BCKDHB: variants seen among roughly 807,000 people sequenced by gnomAD.
BCKDHB encodes branched chain keto acid dehydrogenase E1 subunit beta.
Under a neutral mutation model 48.5 loss-of-function variants are expected in BCKDHB, and 41 were observed. The ratio of observed to expected loss-of-function variants is 0.85; its 90% confidence interval spans 0.66 to 1.10. The LOEUF (loss-of-function observed/expected upper bound fraction) is 1.10. BCKDHB is among the 50% of genes least tolerant of loss of function. The pLI is 0.00. For synonymous variants in BCKDHB, 201 were observed against 174.8 expected (o/e 1.15, Z -1.18); for missense variants, 496 against 494.2 (o/e 1.00, Z -0.03).
the BCKDHB span, among the ~76,000 whole-genome samples, chr6:80,450,380 A>G: frequency 6.6e-6 from 1 of 152,118 alleles, no homozygotes; most frequent in African/African-American, 2.4e-5. Flanking sequence ...AACAGAAGCT[A>G]TGTCTGTGTC....
chr6:80,351,179 A>G (rs577087912), downstream of BCKDHB, among the ~76,000 whole-genome samples: 2 of 152,308 alleles, frequency 1.3e-5, no homozygotes, highest in East Asian at 3.9e-4. Context: ...AGTCCTTCAT[A>G]TAGGGCTAAA....
intron 8 of BCKDHB, among the ~76,000 whole-genome samples, chr6:80,205,791 GGTGTGTGTGT>G (rs3840387): frequency 1.0e-4 from 14 of 135,168 alleles, no homozygotes; most frequent in East Asian, 6.7e-4. Flanking sequence ...CTGTGCCATG[GGTGTGTGTGT>G]GTGTGTGTGT....
the BCKDHB span, among the ~76,000 whole-genome samples, chr6:80,437,087 C>T: frequency 2.0e-5 from 3 of 152,190 alleles, no homozygotes; most frequent in South Asian, 6.2e-4. Flanking sequence ...GTGTTTAAGA[C>T]TATTTAAAAT....
intron 6 of BCKDHB, among the ~76,000 whole-genome samples, chr6:80,182,316 A>C (rs1773450962): frequency 6.6e-6 from 1 of 152,210 alleles, no homozygotes; most frequent in Non-Finnish European, 1.5e-5. Context: ...CTGAGTTAAT[A>C]AACTGAACTA....
At chr6:80,231,768 C>T (rs1231338664) in intron 8 of BCKDHB, among the ~76,000 whole-genome samples, 1 of 152,178 alleles carries the variant, frequency 6.6e-6, no homozygotes, top group Non-Finnish European at 1.5e-5. Flanking sequence ...AGTTTGAGAC[C>T]AGCCTGACCA....
intron 3 of BCKDHB, among the ~76,000 whole-genome samples, chr6:80,133,342 G>C (rs1770725508): frequency 6.6e-6 from 1 of 152,226 alleles, no homozygotes; most frequent in African/African-American, 2.4e-5. Flanking sequence ...GAGAGGCATA[G>C]AGCATTTTGT....
At chr6:80,406,935 C>G in the BCKDHB span, among the ~76,000 whole-genome samples, 1 of 152,172 alleles carries the variant, frequency 6.6e-6, no homozygotes, top group East Asian at 1.9e-4. Context: ...TTGCCCATGC[C>G]TATGTCCTGA....
At chr6:80,129,780 C>G (rs1770538064) in intron 3 of BCKDHB, among the ~76,000 whole-genome samples, 1 of 152,108 alleles carries the variant, frequency 6.6e-6, no homozygotes, top group Admixed American at 6.6e-5. Context: ...TGCTCGGGAA[C>G]CTGCAGTCTT....
intron 8 of BCKDHB, among the ~76,000 whole-genome samples, chr6:80,209,288 A>G (rs1177023111): frequency 6.6e-6 from 1 of 151,896 alleles, no homozygotes; most frequent in Non-Finnish European, 1.5e-5. Flanking sequence ...GTATGTCAGA[A>G]CTTTACACAG....
chr6:80,464,064 G>A, the BCKDHB span, among the ~76,000 whole-genome samples: 8 of 152,078 alleles, frequency 5.3e-5, no homozygotes, highest in South Asian at 2.1e-4. Context: ...CTACCCGACC[G>A]AGTCTGCCTG....
intron 1 of BCKDHB, among the ~76,000 whole-genome samples, chr6:80,124,491 A>G (rs2505929): frequency 0.63 from 95,861 of 151,864 alleles, 30,607 homozygotes; most frequent in South Asian, 0.77. Flanking sequence ...TTGACATTGG[A>G]GTGTTAAAGT....
intron 8 of BCKDHB, among the ~76,000 whole-genome samples, chr6:80,204,581 G>A (rs1020124846): frequency 1.3e-5 from 2 of 151,648 alleles, no homozygotes; most frequent in African/African-American, 4.8e-5. Flanking sequence ...TTTGTATGGG[G>A]ATATGATGTT....
the BCKDHB span, among the ~76,000 whole-genome samples, chr6:80,361,845 G>A: frequency 1.3e-5 from 2 of 152,120 alleles, no homozygotes; most frequent in African/African-American, 2.4e-5. Context: ...CACATTTTGT[G>A]GCTTGAAATG....
intron 9 of BCKDHB, among the ~76,000 whole-genome samples, chr6:80,301,403 T>C (rs2127991230): frequency 6.6e-6 from 1 of 152,290 alleles, no homozygotes; most frequent in South Asian, 2.1e-4. Flanking sequence ...TGGACAATTC[T>C]GTGCACACAA....
At chr6:80,405,550 C>T in the BCKDHB span, among the ~76,000 whole-genome samples, 1 of 151,972 alleles carries the variant, frequency 6.6e-6, no homozygotes, top group Non-Finnish European at 1.5e-5. Context: ...ATAGGTAAGG[C>T]CTTACTATTG....
the BCKDHB span, among the ~76,000 whole-genome samples, chr6:80,381,793 C>T: frequency 6.6e-6 from 1 of 152,072 alleles, no homozygotes; most frequent in African/African-American, 2.4e-5. Context: ...ATTCCTATAG[C>T]ATCTATTTTA....
chr6:80,164,127 C>T (rs1772456952), intron 3 of BCKDHB, among the ~76,000 whole-genome samples: 1 of 152,174 alleles, frequency 6.6e-6, no homozygotes, highest in African/African-American at 2.4e-5. Flanking sequence ...GTTTTTCTCA[C>T]TCACCTGCTC....
the BCKDHB span, among the ~76,000 whole-genome samples, chr6:80,428,340 A>G: frequency 2.0e-5 from 3 of 152,166 alleles, no homozygotes; most frequent in African/African-American, 4.8e-5. Context: ...ATACGTGTGC[A>G]TGTGTCCTTA....
intron 5 of BCKDHB, chr6:80,169,686 G>A (rs1267610359): frequency 2.7e-6 from 2 of 742,548 alleles, no homozygotes; most frequent in Admixed American, 7.8e-5. Flanking sequence ...GCTTTTCAGG[G>A]GATCATTGTA....
Sources: allele counts gnomAD v4.1 joint callset (sites outside exome capture counted in the v4.1 genomes callset), GRCh38; gene constraint gnomAD v4.1.1; transcripts MANE v1.5; gene names NCBI Gene and HGNC (gene_info 2026-07-23, HGNC 2026-07-21).